The following TAOK3 variants were observed in gnomAD, a reference collection of about 807,000 sequenced individuals.
TAOK3 encodes the protein TAO kinase 3, also known as serine/threonine-protein kinase TAO3.
TAOK3 carries 40 observed loss-of-function variants against 120.4 expected under a neutral mutation model. The observed-to-expected ratio is 0.33, with a 90% CI of 0.26 to 0.43. The LOEUF (loss-of-function observed/expected upper bound fraction) is 0.43. TAOK3 is among the 20% of genes least tolerant of loss of function. The pLI, the probability that TAOK3 is intolerant of heterozygous loss-of-function variation, is 1.00. For synonymous variants in TAOK3, 355 were observed against 387.5 expected (o/e 0.92, Z 0.99); for missense variants, 821 against 1,112.1 (o/e 0.74, Z 3.72).
At chr12:118,362,444 A>C (rs561097565) in intron 1 of TAOK3, among the ~76,000 whole-genome samples, 2 of 152,070 alleles carry the variant, frequency 1.3e-5, no homozygotes, top group African/African-American at 4.8e-5. Flanking sequence ...CCTGCGGGCT[A>C]TGGGTTGGAC....
chr12:118,195,178 G>A (rs1321351939), intron 13 of TAOK3, among the ~76,000 whole-genome samples: 1 of 151,872 alleles, frequency 6.6e-6, no homozygotes, highest in Non-Finnish European at 1.5e-5. Context: ...TATGACTGGC[G>A]TTCAATAAGC....
At chr12:118,194,751 T>C (rs1185939267) in intron 13 of TAOK3, among the ~76,000 whole-genome samples, 30 of 151,916 alleles carry the variant, frequency 2.0e-4, no homozygotes, top group Admixed American at 2.0e-3. Flanking sequence ...AATGGCTTTT[T>C]TTCCCCCTCC....
chr12:118,207,946 A>G (rs2038421446), intron 11 of TAOK3, among the ~76,000 whole-genome samples: 1 of 151,854 alleles, frequency 6.6e-6, no homozygotes, highest in African/African-American at 2.4e-5. Flanking sequence ...TTCTTCACCA[A>G]AAGAGTTATC....
intron 1 of TAOK3, among the ~76,000 whole-genome samples, chr12:118,345,847 A>C (rs2044835331): frequency 6.6e-6 from 1 of 152,226 alleles, no homozygotes; most frequent in African/African-American, 2.4e-5. Flanking sequence ...ATAAAGACTA[A>C]GAAAAAAAAT....
chr12:118,338,544 T>C (rs2044460440), intron 1 of TAOK3, among the ~76,000 whole-genome samples: 1 of 151,974 alleles, frequency 6.6e-6, no homozygotes, highest in Admixed American at 6.6e-5. Flanking sequence ...TCCCAGCACT[T>C]TGGGAGGCCG....
intron 1 of TAOK3, among the ~76,000 whole-genome samples, chr12:118,309,777 A>G (rs1417042964): frequency 1.3e-5 from 2 of 151,854 alleles, no homozygotes; most frequent in Non-Finnish European, 2.9e-5. Context: ...CAGCCTCCCA[A>G]AGTGCTGAGA....
intron 1 of TAOK3, among the ~76,000 whole-genome samples, chr12:118,313,292 T>TC (rs1489787446): frequency 6.6e-6 from 1 of 152,104 alleles, no homozygotes; most frequent in African/African-American, 2.4e-5. Context: ...ATCTTTTTTT[T>TC]TGAGACCGAG....
intron 1 of TAOK3, among the ~76,000 whole-genome samples, chr12:118,333,833 A>AT (rs1397988391): frequency 3.4e-5 from 5 of 148,508 alleles, no homozygotes; most frequent in African/African-American, 1.0e-4. Flanking sequence ...TGGGTATTTT[A>AT]TAAAAAAAAA....
chr12:118,184,679 G>C (rs530490228), intron 14 of TAOK3, among the ~76,000 whole-genome samples: 2 of 152,282 alleles, frequency 1.3e-5, no homozygotes, highest in South Asian at 4.1e-4. Flanking sequence ...AATTGAGTAA[G>C]TCTGAAATGG....
intron 17 of TAOK3, among the ~76,000 whole-genome samples, chr12:118,168,255 C>T (rs550271032): frequency 2.6e-5 from 4 of 152,198 alleles, no homozygotes; most frequent in Non-Finnish European, 5.9e-5. Flanking sequence ...AGCTCTAATG[C>T]ACTCACTGCA....
intron 1 of TAOK3, among the ~76,000 whole-genome samples, chr12:118,269,439 C>T (rs2041608793): frequency 7.9e-6 from 1 of 127,344 alleles, no homozygotes; most frequent in South Asian, 2.5e-4. Context: ...GATGCAGTAT[C>T]GGCTTACTGC....
At chr12:118,169,790 T>C (rs1229308904) in intron 17 of TAOK3, among the ~76,000 whole-genome samples, 1 of 148,726 alleles carries the variant, frequency 6.7e-6, no homozygotes, top group Non-Finnish European at 1.5e-5. Flanking sequence ...GCGCAATCTC[T>C]GCTCACTGCA....
At chr12:118,158,995 A>G (rs1211111158) in intron 19 of TAOK3, among the ~76,000 whole-genome samples, 1 of 152,100 alleles carries the variant, frequency 6.6e-6, no homozygotes, top group Non-Finnish European at 1.5e-5. Flanking sequence ...ATTACTCTTT[A>G]AGACTCATCT....
intron 1 of TAOK3, among the ~76,000 whole-genome samples, chr12:118,314,422 G>C (rs1252349389): frequency 1.3e-5 from 2 of 152,156 alleles, no homozygotes; most frequent in Non-Finnish European, 2.9e-5. Flanking sequence ...CGTGAATTAA[G>C]ATGGAGTGCA....
At chr12:118,195,503 G>A (rs1176200003) in intron 13 of TAOK3, among the ~76,000 whole-genome samples, 2 of 152,160 alleles carry the variant, frequency 1.3e-5, no homozygotes, top group Non-Finnish European at 2.9e-5. Flanking sequence ...GAATTGAGGT[G>A]TGGAATTGTG....
Position 118,151,106 on chromosome 12 carries a change from T to C in TAOK3, c.2588A>G (p.Asn863Ser). ...CTCTCGCTCTTGCCTTTCCAATAGG[T>C]TCTTTATTCTCTCGCTGCGTTCCTT... ...LQKERSERIKNLLERQEREIE... is the reference protein window; with the variant it reads ...LQKERSERIKSLLERQEREIE... Residue 863 changes from asparagine to serine, a missense_variant, in exon 21 of 21, where the codon AAC becomes AGC. Asn to Ser is a conservative substitution (Grantham distance 46). Coordinates refer to ENST00000392533, the MANE Select transcript of TAOK3 (RefSeq NM_016281.4). The C allele has an allele frequency of 6.2e-7, 1 of 1,613,924 alleles. No individual in the cohort carries two copies. Among genetic ancestry groups the C allele is most frequent in the Non-Finnish European group, 8.5e-7 (1 of 1,180,008 alleles).
At position 118,161,807 on chromosome 12, in the gene TAOK3, T is replaced by A; in HGVS notation, c.2120A>T (p.Gln707Leu). 6.2e-7 allele frequency: 1 copy of A among 1,614,218 alleles called. No homozygotes were observed. The highest frequency in any genetic ancestry group is 8.5e-7 in the Non-Finnish European group (1 of 1,180,044). The change falls in exon 18 of 21, where the codon CAA becomes CTA. Residue 707 changes from glutamine to leucine, a missense_variant. Transcript: ENST00000392533. This position sits in a 1 kb window ranked among gnomAD's most constrained non-coding sequence, Gnocchi z 4.5. Reference sequence around the variant, plus strand: ...TCTTACCTTTAAGTTTTTTGGCTGTTGCCGAAGTTCCATGACATGCTTTCT... The same window carrying A: ...TCTTACCTTTAAGTTTTTTGGCTGTAGCCGAAGTTCCATGACATGCTTTCT... ...LHRKHVMELR[Q>L]QPKNLKAMEM...
chr12:118,253,882 C>CT (rs747344953), intron 3 of TAOK3, among the ~76,000 whole-genome samples: 11 of 152,248 alleles, frequency 7.2e-5, no homozygotes, highest in Non-Finnish European at 1.3e-4. Flanking sequence ...AACCCGGTCT[C>CT]TACTAAAAAT....
In TAOK3 at chr12:118,268,097, A is replaced by G. The variant is rs186336084; in HGVS notation, c.-193-1338T>C. The stretch of plus-strand genomic sequence containing the variant: ...GCCATATCACCAAATACTGTTCACA[A>G]AGGTCATTTTAATGACTACTTATTG... On this transcript the variant is annotated intron_variant, in intron 1 of 20. Transcript: ENST00000392533. Among the ~76,000 whole-genome samples, 6 of 152,252 alleles carry G rather than the reference A, an allele frequency of 3.9e-5. No homozygotes were observed. The South Asian group carries it at 8.3e-4, about 21-fold the overall frequency.
Sources: gnomAD v4.1 joint callset for allele counts (sites outside exome capture counted in the v4.1 genomes callset) on GRCh38, gnomAD v4.1.1 for gene constraint, Gnocchi (gnomAD v3.1) non-coding constraint, MANE v1.5 for transcripts, NCBI Gene and HGNC (gene_info 2026-07-23, HGNC 2026-07-21) for gene names.